Variants in WSCD2 observed in about 807,000 individuals in gnomAD.
The protein encoded by WSCD2 is WSC domain sialate O sulfotransferase 2, also known as sialate:O-sulfotransferase 2.
In WSCD2, 28 loss-of-function variants were observed where a neutral mutation model predicts 55.7. The ratio of observed to expected loss-of-function variants is 0.50; its 90% CI spans 0.37 to 0.69. WSCD2 has a LOEUF of 0.69. Among genes scored for constraint, WSCD2 ranks in the 30% least tolerant of loss-of-function variants. The pLI is 0.00. For missense variants in WSCD2, 616 were observed against 762.1 expected, an observed-to-expected ratio of 0.81 and a Z score of 2.26; for synonymous variants, 301 against 301.9, an observed-to-expected ratio of 1.00 and a Z score of 0.03.
intron 4 of WSCD2, among the ~76,000 whole-genome samples, chr12:108,212,062 C>T (rs903908206): frequency 6.6e-6 from 1 of 152,260 alleles, no homozygotes. Context: ...AAATTAACTG[C>T]AACTTCCACC....
intron 7 of WSCD2, 79 bp from the exon 8 acceptor site, chr12:108,240,265 G>T (rs1006965280): frequency 8.4e-6 from 13 of 1,555,808 alleles, no homozygotes; most frequent in Non-Finnish European, 6.1e-6. Flanking sequence ...GGATTCCCGA[G>T]GTGGCCCAGA....
intron 3 of WSCD2, among the ~76,000 whole-genome samples, chr12:108,207,994 A>G (rs1393367225): frequency 1.3e-5 from 2 of 152,184 alleles, no homozygotes; most frequent in African/African-American, 4.8e-5. Flanking sequence ...AGACATGCAG[A>G]CAAGGTCTAA....
chr12:108,160,696 G>A (rs939600542), intron 1 of WSCD2, among the ~76,000 whole-genome samples: 2 of 152,128 alleles, frequency 1.3e-5, no homozygotes, highest in African/African-American at 2.4e-5. Flanking sequence ...TTTGGATGGG[G>A]ACACAAATCC....
At chr12:108,152,292 A>G (rs537660582) in intron 1 of WSCD2, among the ~76,000 whole-genome samples, 136 of 152,292 alleles carry the variant, frequency 8.9e-4, no homozygotes, top group African/African-American at 3.2e-3. Context: ...AAGGAAGGAT[A>G]AAGTGAGAGC....
At chr12:108,167,328 T>C (rs1334225432) in intron 1 of WSCD2, 1 of 152,196 alleles carries the variant, frequency 6.6e-6, no homozygotes, top group Non-Finnish European at 1.5e-5. Flanking sequence ...TCTGCAGAAC[T>C]TACTCTGCCT....
rs1442621092 is a variant in WSCD2 at position 108,230,834 on chromosome 12, C to T, written c.980-1897C>T. Among the ~76,000 whole-genome samples, 5 of 152,244 alleles carry T rather than the reference C, an allele frequency of 3.3e-5. No homozygotes were observed. The East Asian group carries it at 5.8e-4, about 18-fold the overall frequency. On this transcript the variant is annotated intron_variant, in intron 6 of 8. Transcript: ENST00000547525. ...AGTCACTGAGGACCTTGCCCATAAC[C>T]GGTCCAGGGCAGTGACCAGGGAAGA...
At chr12:108,130,118 G>A (rs1875332354) in intron 1 of WSCD2, among the ~76,000 whole-genome samples, 192 bp downstream of exon 1, 1 of 152,212 alleles carries the variant, frequency 6.6e-6, no homozygotes, top group Non-Finnish European at 1.5e-5. Context: ...CTGCGTAGAT[G>A]ACAAACTTTC....
At chr12:108,173,209 C>T (rs1022997772) in intron 1 of WSCD2, among the ~76,000 whole-genome samples, 2 of 152,180 alleles carry the variant, frequency 1.3e-5, no homozygotes, top group Non-Finnish European at 2.9e-5. Flanking sequence ...CCCAGCTCAT[C>T]CTGGGGTGCT....
chr12:108,198,720 A>C (rs1884275527), intron 2 of WSCD2, among the ~76,000 whole-genome samples: 1 of 152,358 alleles, frequency 6.6e-6, no homozygotes, highest in South Asian at 2.1e-4. Context: ...TAGGTCACTT[A>C]ATAGTTGCTG....
At chr12:108,245,787 G>A (rs1354773450) in intron 8 of WSCD2, among the ~76,000 whole-genome samples, 1 of 152,152 alleles carries the variant, frequency 6.6e-6, no homozygotes, top group East Asian at 1.9e-4. Flanking sequence ...AGATACATCT[G>A]GTCTTAACCC....
chr12:108,228,958 A>G (rs1409666780), intron 6 of WSCD2, among the ~76,000 whole-genome samples: 1 of 152,178 alleles, frequency 6.6e-6, no homozygotes, highest in Non-Finnish European at 1.5e-5. Flanking sequence ...AAAGTCATAC[A>G]CAGATTAATT....
Position 108,206,308 on chromosome 12 carries a change from C to T in WSCD2, c.402C>T (p.Tyr134=), listed in dbSNP as rs186969165. The T allele has an allele frequency of 4.5e-4, 727 of 1,614,226 alleles. 7 individuals are homozygous for T. In the African/African-American group the frequency reaches 9.0e-3, roughly 20 times the overall value. The stretch of plus-strand genomic sequence containing the variant: ...CCAAAGCCAAGTACATCGGCTGCTA[C>T]CTGGATGACACCCAGAGTCGGGCCC... ...EEERAKYIGC[Y]LDDTQSRALR... The change falls in exon 3 of 9, where the codon TAC becomes TAT. Residue 134 remains tyrosine, a synonymous_variant. Coordinates refer to ENST00000547525, the MANE Select transcript of WSCD2 (RefSeq NM_014653.4).
chr12:108,177,795 C>T (rs1565937029), intron 1 of WSCD2, among the ~76,000 whole-genome samples: 1 of 151,998 alleles, frequency 6.6e-6, no homozygotes. Context: ...ACAAAGCTAA[C>T]CTATGGTGAT....
chr12:108,226,297 A>G (rs756230569), intron 5 of WSCD2, among the ~76,000 whole-genome samples: 1 of 152,152 alleles, frequency 6.6e-6, no homozygotes. Flanking sequence ...GCCCCCACTT[A>G]GCTGTTCAAT....
At chr12:108,211,912 C>G (rs1886239844) in intron 4 of WSCD2, among the ~76,000 whole-genome samples, 1 of 151,628 alleles carries the variant, frequency 6.6e-6, no homozygotes, top group Admixed American at 6.6e-5. Flanking sequence ...ATCCACCCAC[C>G]TCAGGCTCCC....
In WSCD2 at chr12:108,194,516, A is replaced by G. The variant is rs143135491; in HGVS notation, c.-551-766A>G. 5.3e-4 allele frequency among the ~76,000 whole-genome samples: 80 copies of G among 152,306 alleles called. 1 individual carries two copies. In the East Asian group the frequency reaches 0.015, roughly 28 times the overall value. ...ATCACTCACCAGCTGTGTGACCTCC[A>G]TTTCCTCATCTGTAAAGAAGAGAAA... On this transcript the variant is annotated intron_variant, in intron 1 of 8. Coordinates refer to ENST00000547525, the MANE Select transcript of WSCD2 (RefSeq NM_014653.4).
chr12:108,166,817 CTTTTTTTT>C (rs550529805), intron 1 of WSCD2, among the ~76,000 whole-genome samples: 109 of 103,730 alleles, frequency 1.1e-3, no homozygotes, highest in Admixed American at 2.7e-3. Context: ...CTCTTTTTTT[CTTTTTTTT>C]TTTTTTGACA....
intron 1 of WSCD2, among the ~76,000 whole-genome samples, chr12:108,184,287 G>A (rs1307398025): frequency 6.6e-6 from 1 of 152,130 alleles, no homozygotes. Flanking sequence ...GGTGGGCTGG[G>A]GAGCACAGAG....
At chr12:108,247,861 T>C (rs751305262) in intron 8 of WSCD2, 130 bp from the exon 9 acceptor site, 1 of 1,078,894 alleles carries the variant, frequency 9.3e-7, no homozygotes, top group Non-Finnish European at 1.3e-6. Flanking sequence ...CTGGCCTGTA[T>C]TATTACAGTT....
Sources: gnomAD v4.1 joint callset for allele counts (sites outside exome capture counted in the v4.1 genomes callset) on GRCh38, gnomAD v4.1.1 for gene constraint, MANE v1.5 for transcripts, NCBI Gene and HGNC (gene_info 2026-07-23, HGNC 2026-07-21) for gene names.